Variants in PCDHGA9 observed in about 807,000 individuals in gnomAD.
PCDHGA9 encodes the protein protocadherin gamma-A9.
PCDHGA9 carries 37 observed loss-of-function variants against 62.5 expected under a neutral mutation model. That is an observed-to-expected ratio of 0.59 (90% CI 0.46 to 0.78). The LOEUF (loss-of-function observed/expected upper bound fraction) is 0.78, where lower values mean the gene tolerates loss of function less well. PCDHGA9 is among the 30% of genes least tolerant of loss of function. PCDHGA9 has a pLI of 0.00. For synonymous variants in PCDHGA9, 459 were observed against 484.6 expected (o/e 0.95, Z 0.69); for missense variants, 1,138 against 1,166.2 (o/e 0.98, Z 0.35).
At chr5:141,426,898 C>T (rs1246109323) in intron 1 of PCDHGA9, 1 of 456,634 alleles carries the variant, frequency 2.2e-6, no homozygotes, top group African/African-American at 2.0e-5. Flanking sequence ...CAACAGAGCT[C>T]TCATCTCCTG....
chr5:141,414,850 C>T, intron 1 of PCDHGA9: 1 of 1,614,212 alleles, frequency 6.2e-7, no homozygotes, highest in Non-Finnish European at 8.5e-7. Flanking sequence ...TGTGCTGGAC[C>T]AGAACGACAA....
intron 1 of PCDHGA9, chr5:141,442,535 A>C (rs2098331560): frequency 6.6e-6 from 1 of 152,240 alleles, no homozygotes; most frequent in Non-Finnish European, 1.5e-5. Flanking sequence ...CTCCAAGGTG[A>C]AAAATTCTTG....
rs556217163 is a variant in PCDHGA9, at chr5:141,433,697, C to T, written c.2424+28321C>T. Among the ~76,000 whole-genome samples the T allele has an allele frequency of 6.0e-4, 91 of 152,138 alleles. 1 individual carries two copies. Among genetic ancestry groups the T allele is most frequent in the African/African-American group, 2.0e-3 (85 of 41,536 alleles). ...CTAAAAAAATACAAAATTAGCCGGGCGTGGTGGTGCATGTCTGTAATCCCA... is the reference window on the plus strand; with the variant it reads ...CTAAAAAAATACAAAATTAGCCGGGTGTGGTGGTGCATGTCTGTAATCCCA... On this transcript the variant is annotated intron_variant, in intron 1 of 3. Coordinates refer to ENST00000573521, the MANE Select transcript of PCDHGA9 (RefSeq NM_018921.3).
intron 1 of PCDHGA9, among the ~76,000 whole-genome samples, chr5:141,468,046 C>T (rs540273405): frequency 1.3e-4 from 20 of 152,174 alleles, no homozygotes; most frequent in Non-Finnish European, 2.8e-4. Flanking sequence ...AAAACTAAGC[C>T]GGGCACAGTG....
intron 1 of PCDHGA9, chr5:141,441,837 G>A (rs952709777): frequency 2.8e-6 from 1 of 354,138 alleles, no homozygotes. Context: ...ATGGCTTCGC[G>A]CTCTTGGATA....
chr5:141,466,016 G>A (rs1592991828), intron 1 of PCDHGA9, among the ~76,000 whole-genome samples: 2 of 152,032 alleles, frequency 1.3e-5, no homozygotes, highest in East Asian at 3.9e-4. Flanking sequence ...CAGCTACTCG[G>A]GAGGGTGAGG....
At chr5:141,466,765 G>A (rs1199343616) in intron 1 of PCDHGA9, among the ~76,000 whole-genome samples, 1 of 151,996 alleles carries the variant, frequency 6.6e-6, no homozygotes, top group African/African-American at 2.4e-5. Context: ...TTTTCAAACT[G>A]TTATCTTATT....
At position 141,477,263 on chromosome 5, in the gene PCDHGA9, G is replaced by C. The variant is rs543767777; in HGVS notation, c.2425-17544G>C. ...CAGTGTGACTGACCTGGATGCTGGC[G>C]AGAACGGGCTGGTGACCTGCGAAGT... On this transcript the variant is annotated intron_variant, in intron 1 of 3. Coordinates refer to ENST00000573521, the MANE Select transcript of PCDHGA9 (RefSeq NM_018921.3). The surrounding 1 kb of genome is among the most constrained non-coding windows in gnomAD (Gnocchi z 4.9). The C allele has an allele frequency of 6.2e-7, 1 of 1,614,192 alleles. No individual in the cohort carries two copies. The highest frequency in any genetic ancestry group is 1.3e-5 in the African/African-American group (1 of 75,058).
intron 1 of PCDHGA9, chr5:141,421,916 G>A (rs754653877): frequency 2.5e-6 from 4 of 1,613,646 alleles, no homozygotes; most frequent in Non-Finnish European, 2.5e-6. Flanking sequence ...GTTCCCATTC[G>A]TGTGGTGGTC....
Position 141,485,172 on chromosome 5 carries a change from C to A in PCDHGA9, c.2425-9635C>A. ...CAAGTAGAGAATTAGCGGGCGGCAG[C>A]AATGCTCCGCAAGGTGAGAAGCTGG... On this transcript the variant is annotated intron_variant, in intron 1 of 3. Transcript: ENST00000573521. The surrounding 1 kb of genome is among the most constrained non-coding windows in gnomAD (Gnocchi z 5.7). 6.2e-7 allele frequency: 1 copy of A among 1,610,164 alleles called. No individual in the cohort carries two copies. The highest frequency in any genetic ancestry group is 8.5e-7 in the Non-Finnish European group (1 of 1,176,940).
At chr5:141,427,812 G>A (rs1380721111) in intron 1 of PCDHGA9, 1 of 1,524,286 alleles carries the variant, frequency 6.6e-7, no homozygotes, top group African/African-American at 1.4e-5. Context: ...CGCACAGAGC[G>A]GGGTGGTGGT....
At chr5:141,502,542 A>G (rs2099814957) in intron 2 of PCDHGA9, among the ~76,000 whole-genome samples, 1 of 152,216 alleles carries the variant, frequency 6.6e-6, no homozygotes, top group Admixed American at 6.5e-5. Context: ...TTCGTGTGGT[A>G]AAAACAGTGT....
rs551129846 is a variant in PCDHGA9, at chr5:141,432,711, A to T, written c.2424+27335A>T. 5 of 1,613,944 alleles carry T rather than the reference A, an allele frequency of 3.1e-6. No individual in the cohort carries two copies. The Admixed American group carries it at 8.3e-5, about 27-fold the overall frequency. ...GTAGTGGCCGTCCAGGACCACGGCCAGCCCCCTCTCTCCGCCACTGTCACG... is the reference window on the plus strand; with the variant it reads ...GTAGTGGCCGTCCAGGACCACGGCCTGCCCCCTCTCTCCGCCACTGTCACG... On this transcript the variant is annotated intron_variant, in intron 1 of 3. Transcript: ENST00000573521. This position sits in a 1 kb window ranked among gnomAD's most constrained non-coding sequence, Gnocchi z 6.0.
At chr5:141,421,354 G>T in intron 1 of PCDHGA9, 2 of 1,613,980 alleles carry the variant, frequency 1.2e-6, no homozygotes, top group Non-Finnish European at 1.7e-6. Context: ...GACCGAAAAG[G>T]GCTCCTTCGT....
At chr5:141,421,119 C>A (rs542039688) in intron 1 of PCDHGA9, 2 of 772,768 alleles carry the variant, frequency 2.6e-6, no homozygotes, top group South Asian at 1.9e-5. Flanking sequence ...TATTTTCCTT[C>A]GCTTTCTGAT....
rs11343387 is a variant in PCDHGA9 at position 141,497,209 on chromosome 5, TGG to T, written c.2483+2352_2483+2353del. On this transcript the variant is annotated intron_variant, in intron 2 of 3. Transcript: ENST00000573521. ...GAGGCAGAGAACAATGTGAGTGTAATGGGGGGGGGAAGATCAGAGAAGGCTTC... is the reference window on the plus strand; with the variant it reads ...GAGGCAGAGAACAATGTGAGTGTAATGGGGGGGAAGATCAGAGAAGGCTTC... Among the ~76,000 whole-genome samples the T allele has an allele frequency of 3.8e-3, 569 of 151,352 alleles. 5 individuals are homozygous for T. Among genetic ancestry groups the T allele is most frequent in the Admixed American group, 0.011 (162 of 15,190 alleles).
At chr5:141,423,140 C>T (rs760216287) in intron 1 of PCDHGA9, 7 of 1,613,498 alleles carry the variant, frequency 4.3e-6, no homozygotes, top group Non-Finnish European at 2.5e-6. Flanking sequence ...GACAGAGACG[C>T]GCTCAAGCAG....
chr5:141,485,866 C>T lies in PCDHGA9; in HGVS notation c.2425-8941C>T. The T allele has an allele frequency of 2.5e-6, 4 of 1,614,144 alleles. No individual in the cohort carries two copies. Among genetic ancestry groups the T allele is most frequent in the Non-Finnish European group, 3.4e-6 (4 of 1,180,014 alleles). On this transcript the variant is annotated intron_variant, in intron 1 of 3. Coordinates refer to ENST00000573521, the MANE Select transcript of PCDHGA9 (RefSeq NM_018921.3). The surrounding 1 kb of genome is among the most constrained non-coding windows in gnomAD (Gnocchi z 5.7). ...CTGGCACCGCAGAGCTCCGGGTATCCGTGCTGGACGTAAACGACAACGCCC... is the reference window on the plus strand; with the variant it reads ...CTGGCACCGCAGAGCTCCGGGTATCTGTGCTGGACGTAAACGACAACGCCC...
At position 141,431,433 on chromosome 5, in the gene PCDHGA9, C is replaced by T; in HGVS notation, c.2424+26057C>T. ...GGGGGCGACCCGGTGCGCACAGGCA[C>T]CGCGCGCATCCGCGTGATGGTTCTG... On this transcript the variant is annotated intron_variant, in intron 1 of 3. Transcript: ENST00000573521. This position sits in a 1 kb window ranked among gnomAD's most constrained non-coding sequence, Gnocchi z 4.8. 1.9e-6 allele frequency: 3 copies of T among 1,613,716 alleles called. No homozygotes were observed. The highest frequency in any genetic ancestry group is 2.5e-6 in the Non-Finnish European group (3 of 1,180,028).
Sources: allele counts gnomAD v4.1 joint callset (sites outside exome capture counted in the v4.1 genomes callset), GRCh38; gene constraint gnomAD v4.1.1; non-coding constraint Gnocchi (gnomAD v3.1); transcripts MANE v1.5; gene names NCBI Gene and HGNC (gene_info 2026-07-23, HGNC 2026-07-21).